Variants in KIFC3 observed in about 807,000 individuals in gnomAD.
KIFC3 encodes kinesin-like protein KIFC3.
Under a neutral mutation model 101.8 loss-of-function variants are expected in KIFC3, and 60 were observed. The ratio of observed to expected loss-of-function variants is 0.59; its 90% CI spans 0.48 to 0.73. KIFC3 has a LOEUF of 0.73. KIFC3 is among the 30% of genes least tolerant of loss of function. KIFC3 has a pLI of 0.00. For missense variants in KIFC3, 966 were observed against 1,137.1 expected, an observed-to-expected ratio of 0.85 and a Z score of 2.16; for synonymous variants, 476 against 482.7, an observed-to-expected ratio of 0.99 and a Z score of 0.18.
At chr16:57,815,413 G>T (rs191116831) in intron 1 of KIFC3, 1 of 1,179,034 alleles carries the variant, frequency 8.5e-7, no homozygotes, top group Non-Finnish European at 1.1e-6. Context: ...CCACCGCCAC[G>T]TGTTTTCTAG....
At chr16:57,766,481 TGGCACAGAGCA>T (rs1320807038) in intron 10 of KIFC3, among the ~76,000 whole-genome samples, 21 of 152,204 alleles carry the variant, frequency 1.4e-4, no homozygotes, top group Admixed American at 2.6e-4. Context: ...GAACGGCACC[TGGCACAGAGCA>T]GGCACTCTAG....
rs117642316 is a variant in KIFC3 at position 57,862,166 on chromosome 16, G to A, written c.108+563C>T. Among the ~76,000 whole-genome samples, 725 of 149,596 alleles carry A rather than the reference G, an allele frequency of 4.8e-3. 20 individuals carry two copies. The highest frequency in any genetic ancestry group is 0.038 in the South Asian group (177 of 4,714). On this transcript the variant is annotated intron_variant, in intron 1 of 2. Coordinates refer to the KIFC3 transcript ENST00000563028. Reference sequence around the variant, plus strand: ...TAATTTTCTGTCCTGAGTAGCTGGGGCTACAGGTGCTTACCACTACATCTG... The same window carrying A: ...TAATTTTCTGTCCTGAGTAGCTGGGACTACAGGTGCTTACCACTACATCTG...
At chr16:57,817,189 T>C (rs2149270613) in intron 1 of KIFC3, among the ~76,000 whole-genome samples, 1 of 152,050 alleles carries the variant, frequency 6.6e-6, no homozygotes, top group East Asian at 1.9e-4. Flanking sequence ...CGAAACCCTG[T>C]CTCTACTAAA....
intron 1 of KIFC3, among the ~76,000 whole-genome samples, chr16:57,848,344 C>A (rs1484104692): frequency 6.6e-6 from 1 of 152,132 alleles, no homozygotes; most frequent in African/African-American, 2.4e-5. Context: ...CATTGAGATG[C>A]CAGCATGGAG....
rs12920399 is a variant in KIFC3, at chr16:57,795,895, T to G, written c.173-754A>C. On this transcript the variant is annotated intron_variant, in intron 2 of 19. Coordinates refer to ENST00000445690, the MANE Select transcript of KIFC3 (RefSeq NM_001130100.2). ...TTTTGGGCTTTTTTGTTTTTTTTTT[T>G]TTTTTTTTTTTTTTTTGAGACAGGG... Among the ~76,000 whole-genome samples, 820 of 142,764 alleles carry G rather than the reference T, an allele frequency of 5.7e-3. 16 individuals carry two copies. Among genetic ancestry groups the G allele is most frequent in the African/African-American group, 0.019 (739 of 38,186 alleles). 93.7% of individuals were successfully genotyped at this position (142,764 alleles called of 152,430 possible).
At chr16:57,858,506 C>T (rs1221489824) in intron 1 of KIFC3, among the ~76,000 whole-genome samples, 1 of 152,160 alleles carries the variant, frequency 6.6e-6, no homozygotes, top group African/African-American at 2.4e-5. Context: ...CACCTCATGA[C>T]AGTCAGTGCA....
chr16:57,806,990 G>A (rs976383846), upstream of KIFC3, among the ~76,000 whole-genome samples: 3 of 152,140 alleles, frequency 2.0e-5, no homozygotes, highest in African/African-American at 4.8e-5. Flanking sequence ...AGGCTGAGGC[G>A]GGCAATCACC....
At chr16:57,759,439 T>C (rs35885527) in intron 18 of KIFC3, 48,336 of 583,736 alleles carry the variant, frequency 0.083, 2,353 homozygotes, top group African/African-American at 0.14. Flanking sequence ...AGCCAGCCCA[T>C]GCTCAGAGAG....
chr16:57,858,936 C>A (rs1239043541), intron 1 of KIFC3, among the ~76,000 whole-genome samples: 2 of 151,926 alleles, frequency 1.3e-5, no homozygotes, highest in Admixed American at 1.3e-4. Context: ...GGCAACAGAG[C>A]AAGACTGTCT....
chr16:57,812,129 T>C (rs1307576197), intron 1 of KIFC3, among the ~76,000 whole-genome samples: 8 of 148,918 alleles, frequency 5.4e-5, no homozygotes, highest in Non-Finnish European at 1.0e-4. Flanking sequence ...GGAGGCTCCA[T>C]CCCCTAGGGT....
chr16:57,792,865 C>CAA (rs35129462), intron 3 of KIFC3, among the ~76,000 whole-genome samples: 25 of 38,432 alleles, frequency 6.5e-4, no homozygotes, highest in Admixed American at 1.1e-3. Context: ...AGACCTTGCT[C>CAA]AAAAAAAAAA....
At position 57,812,815 on chromosome 16, in the gene KIFC3, A is replaced by T. The variant is rs2149262331; in HGVS notation, c.109-14533T>A. Reference sequence around the variant, plus strand: ...ACACTCCAGAAAGTGTGAGTAAGGAATACCTGCTGCCCCTGAGGGGCTCCC... The same window carrying T: ...ACACTCCAGAAAGTGTGAGTAAGGATTACCTGCTGCCCCTGAGGGGCTCCC... On this transcript the variant is annotated intron_variant, in intron 1 of 2. Coordinates refer to the KIFC3 transcript ENST00000563028. 1.3e-5 allele frequency among the ~76,000 whole-genome samples: 2 copies of T among 152,298 alleles called. 1 individual carries two copies. The highest frequency in any genetic ancestry group is 4.1e-4 in the South Asian group (2 of 4,830).
At chr16:57,816,316 T>G in intron 1 of KIFC3, 1 of 1,176,768 alleles carries the variant, frequency 8.5e-7, no homozygotes, top group South Asian at 1.3e-5. Context: ...CGGTGGGATC[T>G]GTCTTCCCGT....
intron 2 of KIFC3, 125 bp from the exon 3 acceptor site, chr16:57,795,266 G>T: frequency 8.5e-7 from 1 of 1,169,882 alleles, no homozygotes; most frequent in Non-Finnish European, 1.2e-6. Flanking sequence ...TCCAGATGTG[G>T]CCAGGAGGGG....
chr16:57,769,742 G>A lies in KIFC3; in HGVS notation c.1088-17C>T. ...TCCGGACGCCTATGGGGACACTCGG[G>A]CTGTGAGGCGGGAGGGGATGAGGGG... On this transcript the variant is annotated splice_polypyrimidine_tract_variant and intron_variant, in intron 8 of 19. Coordinates refer to ENST00000445690, the MANE Select transcript of KIFC3 (RefSeq NM_001130100.2). The surrounding 1 kb of genome is among the most constrained non-coding windows in gnomAD (Gnocchi z 4.3). 1 of 1,612,886 alleles carries A rather than the reference G, an allele frequency of 6.2e-7. No homozygotes were observed. The highest frequency in any genetic ancestry group is 2.2e-5 in the East Asian group (1 of 44,872).
At position 57,761,449 on chromosome 16, in the gene KIFC3, A is replaced by T. The variant is rs1555597538; in HGVS notation, c.1836T>A (p.Thr612=). ...CGTCCACGCTCTGCACTTGGAACTC[A>T]GTCAGCCCTGGTACATACAGCTGCC... ...GSGQLYVPGL[T]EFQVQSVDDI... is the part of the protein sequence containing the mutation. Residue 612 remains threonine, a synonymous_variant, in exon 14 of 20, where the codon ACT becomes ACA. Coordinates refer to ENST00000445690, the MANE Select transcript of KIFC3 (RefSeq NM_001130100.2). The T allele has an allele frequency of 6.2e-7, 1 of 1,614,018 alleles. No individual in the cohort carries two copies. The highest frequency in any genetic ancestry group is 8.5e-7 in the Non-Finnish European group (1 of 1,179,932).
chr16:57,765,452 C>T lies in KIFC3; in HGVS notation c.1512+7G>A. 1 of 1,571,166 alleles carries T rather than the reference C, an allele frequency of 6.4e-7. No homozygotes were observed. The highest frequency in any genetic ancestry group is 2.3e-5 in the East Asian group (1 of 43,418). ...GCTTTCCCTTTCCCGCATGGGGCCA[C>T]ACTCACGTCCTGCTGCGAGGCCTGT... is the stretch of plus-strand genomic sequence containing the variant. On this transcript the variant is annotated splice_region_variant and intron_variant, in intron 11 of 19. Transcript: ENST00000445690.
intron 1 of KIFC3, chr16:57,798,531 T>TG: frequency 1.8e-6 from 1 of 558,538 alleles, no homozygotes; most frequent in Non-Finnish European, 3.2e-6. Flanking sequence ...CAGCTGTGCC[T>TG]GAGACCCCAC....
chr16:57,802,000 C>T (rs1157704066), intron 1 of KIFC3, among the ~76,000 whole-genome samples: 2 of 152,238 alleles, frequency 1.3e-5, no homozygotes, highest in Non-Finnish European at 2.9e-5. Context: ...GGCAGCCTTC[C>T]AGGGAGCCCT....
Sources: allele counts gnomAD v4.1 joint callset (sites outside exome capture counted in the v4.1 genomes callset), GRCh38; gene constraint gnomAD v4.1.1; non-coding constraint Gnocchi (gnomAD v3.1); transcripts MANE v1.5; gene names NCBI Gene and HGNC (gene_info 2026-07-23, HGNC 2026-07-21).